The following OPCML variants were observed in gnomAD, a reference collection of about 807,000 sequenced individuals.
The protein encoded by OPCML is opioid binding protein/cell adhesion molecule like.
Under a neutral mutation model 37.8 loss-of-function variants are expected in OPCML, and 13 were observed. That is an observed-to-expected ratio of 0.34 (90% CI 0.22 to 0.55). OPCML has a LOEUF of 0.55. Ranked by LOEUF, OPCML falls within the 20% of genes least tolerant of loss-of-function variation. The pLI is 0.91. For missense variants in OPCML, 341 were observed against 435.6 expected (o/e 0.78, Z 1.93); for synonymous variants, 176 against 168.8 (o/e 1.04, Z -0.33).
intron 1 of OPCML, among the ~76,000 whole-genome samples, chr11:133,020,176 T>C (rs1591918550): frequency 2.6e-5 from 4 of 152,316 alleles, no homozygotes; most frequent in Admixed American, 2.6e-4. Flanking sequence ...AGTAGCTCCT[T>C]GCAGGGCTGC....
chr11:132,468,211 C>T (rs1405961055), intron 4 of OPCML, among the ~76,000 whole-genome samples: 3 of 152,164 alleles, frequency 2.0e-5, no homozygotes, highest in African/African-American at 4.8e-5. Context: ...ATGGCCAGTG[C>T]TTTCCTATCA....
chr11:133,167,798 TC>T (rs1184859439), intron 1 of OPCML, among the ~76,000 whole-genome samples: 4 of 152,298 alleles, frequency 2.6e-5, no homozygotes, highest in African/African-American at 9.6e-5. Flanking sequence ...TCCGTGGATT[TC>T]TTTCCAGTTC....
At chr11:133,385,031 G>T (rs143290686) in intron 1 of OPCML, among the ~76,000 whole-genome samples, 213 of 152,342 alleles carry the variant, frequency 1.4e-3, no homozygotes, top group African/African-American at 4.9e-3. Flanking sequence ...CCTCCTTGTG[G>T]CTGTGGGCAG....
intron 1 of OPCML, among the ~76,000 whole-genome samples, chr11:133,226,337 T>C (rs1940033918): frequency 6.6e-6 from 1 of 152,232 alleles, no homozygotes; most frequent in Non-Finnish European, 1.5e-5. Context: ...GTGATTCGTA[T>C]TTATGGTTTT....
chr11:132,563,318 T>C (rs1270974884), intron 3 of OPCML, among the ~76,000 whole-genome samples: 9 of 152,074 alleles, frequency 5.9e-5, no homozygotes, highest in Non-Finnish European at 1.0e-4. Flanking sequence ...ACTTGGAGTA[T>C]AAAGACTCCA....
intron 1 of OPCML, among the ~76,000 whole-genome samples, chr11:133,355,757 G>T (rs547472173): frequency 2.6e-5 from 4 of 152,292 alleles, no homozygotes; most frequent in Non-Finnish European, 5.9e-5. Context: ...TGATATAGGG[G>T]TCTTAAGTAG....
chr11:132,701,548 G>A (rs1334909592), intron 2 of OPCML, among the ~76,000 whole-genome samples: 1 of 152,112 alleles, frequency 6.6e-6, no homozygotes, highest in Non-Finnish European at 1.5e-5. Flanking sequence ...AATCTAAAGT[G>A]AGGTCCTTGT....
At chr11:133,431,580 A>T (rs989103515) in intron 1 of OPCML, among the ~76,000 whole-genome samples, 1 of 151,854 alleles carries the variant, frequency 6.6e-6, no homozygotes, top group Non-Finnish European at 1.5e-5. Context: ...ATTCTCCTCC[A>T]TCAGCCTCCT....
At chr11:133,061,732 G>A (rs892550030) in intron 1 of OPCML, among the ~76,000 whole-genome samples, 6 of 152,144 alleles carry the variant, frequency 3.9e-5, no homozygotes, top group African/African-American at 1.2e-4. Context: ...GAAGGGAGAA[G>A]TTCTCCATAA....
chr11:132,822,727 A>G (rs1051812399), intron 2 of OPCML, among the ~76,000 whole-genome samples: 3 of 152,162 alleles, frequency 2.0e-5, no homozygotes, highest in African/African-American at 7.2e-5. Context: ...TAATTATATA[A>G]AAGTACTGCA....
chr11:132,927,732 G>A (rs191400857), intron 2 of OPCML, among the ~76,000 whole-genome samples: 60 of 151,918 alleles, frequency 3.9e-4, no homozygotes, highest in Admixed American at 2.5e-3. Context: ...TCTTTCATAG[G>A]ATTTAAAATA....
At chr11:132,672,821 C>T (rs1431263908) in intron 2 of OPCML, among the ~76,000 whole-genome samples, 1 of 152,146 alleles carries the variant, frequency 6.6e-6, no homozygotes, top group Non-Finnish European at 1.5e-5. Flanking sequence ...CTGCTTCCTA[C>T]TTGATTTCAT....
At chr11:132,617,183 T>C (rs61906404) in intron 3 of OPCML, among the ~76,000 whole-genome samples, 14,084 of 152,250 alleles carry the variant, frequency 0.093, 840 homozygotes, top group African/African-American at 0.17. Context: ...AAATGACCTA[T>C]TGCTTTCTTG....
intron 2 of OPCML, among the ~76,000 whole-genome samples, chr11:132,839,454 G>A (rs1337240906): frequency 3.3e-5 from 5 of 152,198 alleles, no homozygotes; most frequent in South Asian, 4.1e-4. Context: ...TGCAATGGCC[G>A]CTTTCCTTAA....
At chr11:132,454,129 C>T (rs141996943) in intron 4 of OPCML, among the ~76,000 whole-genome samples, 73 of 152,320 alleles carry the variant, frequency 4.8e-4, no homozygotes, top group Middle Eastern at 3.4e-3. Flanking sequence ...GGCAAATAGA[C>T]ATCATTCAAC....
At chr11:132,420,327 A>C in intron 7 of OPCML, 34 bp from the exon 8 acceptor site, 1 of 1,611,586 alleles carries the variant, frequency 6.2e-7, no homozygotes, top group South Asian at 1.1e-5. Context: ...ACCCATTAGC[A>C]TACACCCAAG....
intron 2 of OPCML, among the ~76,000 whole-genome samples, chr11:132,902,959 T>C (rs77532412): frequency 0.1 from 15,894 of 152,076 alleles, 1,099 homozygotes; most frequent in African/African-American, 0.18. Flanking sequence ...GCCCTCACCT[T>C]TGCACCACCT....
intron 1 of OPCML, among the ~76,000 whole-genome samples, chr11:133,236,223 C>T (rs1940510179): frequency 6.6e-6 from 1 of 152,148 alleles, no homozygotes; most frequent in Non-Finnish European, 1.5e-5. Flanking sequence ...GTAACCAAGG[C>T]AGCTGCTAAT....
intron 1 of OPCML, among the ~76,000 whole-genome samples, chr11:132,974,168 T>A (rs1262364784): frequency 6.6e-6 from 1 of 152,226 alleles, no homozygotes; most frequent in Non-Finnish European, 1.5e-5. Flanking sequence ...CCTCACTATA[T>A]CAAGTTTACC....
Sources: allele counts gnomAD v4.1 joint callset (sites outside exome capture counted in the v4.1 genomes callset), GRCh38; gene constraint gnomAD v4.1.1; transcripts MANE v1.5; gene names NCBI Gene and HGNC (gene_info 2026-07-23, HGNC 2026-07-21).